Variants in TMEM132C observed in about 807,000 individuals in gnomAD.
TMEM132C encodes the protein transmembrane protein 132C, also known as protein phosphatase 1, regulatory subunit 152.
A neutral mutation model predicts 61.4 loss-of-function variants in TMEM132C; 29 were observed. The ratio of observed to expected loss-of-function variants is 0.47; its 90% confidence interval spans 0.35 to 0.64. TMEM132C has a LOEUF of 0.64. TMEM132C is among the 30% of genes least tolerant of loss of function. TMEM132C has a pLI of 0.00. For synonymous variants in TMEM132C, 656 were observed against 633.1 expected (o/e 1.04, Z -0.54); for missense variants, 1,408 against 1,476.9 (o/e 0.95, Z 0.76).
At chr12:128,387,413 C>T (rs1031990500) in intron 1 of TMEM132C, among the ~76,000 whole-genome samples, 5 of 152,190 alleles carry the variant, frequency 3.3e-5, no homozygotes, top group Admixed American at 1.3e-4. Flanking sequence ...GGGAGGGAAC[C>T]GCACACCCAG....
intron 4 of TMEM132C, among the ~76,000 whole-genome samples, chr12:128,658,030 A>T (rs12228243): frequency 0.38 from 49,664 of 129,672 alleles, 10,640 homozygotes; most frequent in East Asian, 0.61. Context: ...CATGGAGGCC[A>T]CAAGGCAGGA....
chr12:128,641,623 C>T (rs1954158353), intron 4 of TMEM132C, among the ~76,000 whole-genome samples: 1 of 152,102 alleles, frequency 6.6e-6, no homozygotes, highest in African/African-American at 2.4e-5. Flanking sequence ...AAGAAACCTC[C>T]CCGGGGTCTT....
chr12:128,509,522 G>A (rs1445802161), intron 2 of TMEM132C, among the ~76,000 whole-genome samples: 3 of 150,058 alleles, frequency 2.0e-5, no homozygotes, highest in African/African-American at 7.6e-5. Flanking sequence ...TGAGTAACAA[G>A]AAGGAGGCAG....
intron 1 of TMEM132C, among the ~76,000 whole-genome samples, chr12:128,338,548 G>T (rs1016424847): frequency 6.6e-6 from 1 of 152,002 alleles, no homozygotes; most frequent in Non-Finnish European, 1.5e-5. Context: ...CGCATGCCAA[G>T]GACAGAGCTG....
intron 2 of TMEM132C, among the ~76,000 whole-genome samples, chr12:128,478,574 T>G (rs1871226263): frequency 6.6e-6 from 1 of 152,208 alleles, no homozygotes; most frequent in Non-Finnish European, 1.5e-5. Flanking sequence ...AGCCTCTGCT[T>G]CTAATTGAAC....
chr12:128,447,653 G>A (rs969955497), intron 2 of TMEM132C, among the ~76,000 whole-genome samples: 2 of 148,762 alleles, frequency 1.3e-5, no homozygotes, highest in Non-Finnish European at 3.0e-5. Flanking sequence ...CTTCATAAGC[G>A]AGTAAGAGTC....
At chr12:128,558,936 G>C (rs368979216) in intron 3 of TMEM132C, among the ~76,000 whole-genome samples, 1 of 151,850 alleles carries the variant, frequency 6.6e-6, no homozygotes, top group Admixed American at 6.6e-5. Context: ...TTTATTTGGG[G>C]GTAAAATGTA....
intron 4 of TMEM132C, among the ~76,000 whole-genome samples, chr12:128,618,060 C>T (rs976323055): frequency 6.6e-6 from 1 of 152,166 alleles, no homozygotes; most frequent in Admixed American, 6.5e-5. Flanking sequence ...TGCCTGTTGG[C>T]TCATAAACTC....
chr12:128,347,772 A>G (rs1209985796), intron 1 of TMEM132C, among the ~76,000 whole-genome samples: 1 of 152,208 alleles, frequency 6.6e-6, no homozygotes, highest in Non-Finnish European at 1.5e-5. Flanking sequence ...CTTTGGGTAG[A>G]TACCCATTCA....
intron 1 of TMEM132C, among the ~76,000 whole-genome samples, chr12:128,359,626 A>G (rs1052505440): frequency 1.3e-5 from 2 of 152,220 alleles, no homozygotes; most frequent in Non-Finnish European, 2.9e-5. Flanking sequence ...AAATCAGACA[A>G]ACACCAAGAT....
chr12:128,442,230 G>C (rs79934985), intron 2 of TMEM132C, among the ~76,000 whole-genome samples: 15,540 of 152,200 alleles, frequency 0.1, 908 homozygotes, highest in African/African-American at 0.15. Flanking sequence ...AAGAACTGCT[G>C]TTGGTTTCTG....
intron 1 of TMEM132C, among the ~76,000 whole-genome samples, chr12:128,365,821 C>G (rs1484595972): frequency 1.3e-5 from 2 of 152,200 alleles, no homozygotes; most frequent in African/African-American, 4.8e-5. Context: ...CTCCCAGCCC[C>G]CTTTGTCCAG....
At chr12:128,620,438 C>A (rs780876824) in intron 4 of TMEM132C, among the ~76,000 whole-genome samples, 1 of 152,086 alleles carries the variant, frequency 6.6e-6, no homozygotes, top group African/African-American at 2.4e-5. Flanking sequence ...AGTGATCAGA[C>A]GCTGCTGTCA....
At chr12:128,439,548 T>A (rs1362043157) in intron 2 of TMEM132C, among the ~76,000 whole-genome samples, 1 of 152,246 alleles carries the variant, frequency 6.6e-6, no homozygotes, top group Non-Finnish European at 1.5e-5. Context: ...AGATACTATC[T>A]GGAGCTATTT....
chr12:128,703,772 G>A (rs1445202340), intron 8 of TMEM132C, among the ~76,000 whole-genome samples: 2 of 152,212 alleles, frequency 1.3e-5, no homozygotes, highest in Non-Finnish European at 2.9e-5. Flanking sequence ...TCTTTGGGCA[G>A]GAAGCATAAC....
chr12:128,268,151 C>T (rs1289667245), intron 1 of TMEM132C, among the ~76,000 whole-genome samples: 1 of 152,182 alleles, frequency 6.6e-6, no homozygotes, highest in Non-Finnish European at 1.5e-5. Context: ...GTGCGTCCCT[C>T]GCGACGGGAA....
At chr12:128,273,641 T>G (rs1226995620) in intron 1 of TMEM132C, among the ~76,000 whole-genome samples, 1 of 152,174 alleles carries the variant, frequency 6.6e-6, no homozygotes, top group Non-Finnish European at 1.5e-5. Flanking sequence ...GCTTTTATAT[T>G]GAGTATTTTC....
At chr12:128,373,962 G>A (rs1713589) in intron 1 of TMEM132C, among the ~76,000 whole-genome samples, 145,104 of 152,288 alleles carry the variant, frequency 0.95, 69,549 homozygotes, top group East Asian at 1. Flanking sequence ...TGGGATTTAA[G>A]ACATGGGCCA....
At chr12:128,623,776 C>G (rs1428839310) in intron 4 of TMEM132C, among the ~76,000 whole-genome samples, 1 of 145,934 alleles carries the variant, frequency 6.9e-6, no homozygotes, top group Non-Finnish European at 1.5e-5. Context: ...ACACTGCACT[C>G]CAGCCTTGGC....
Sources: allele counts gnomAD v4.1 joint callset (sites outside exome capture counted in the v4.1 genomes callset), GRCh38; gene constraint gnomAD v4.1.1; transcripts MANE v1.5; gene names NCBI Gene and HGNC (gene_info 2026-07-23, HGNC 2026-07-21).